HPCAL1: variants seen among roughly 807,000 people sequenced by gnomAD.
HPCAL1 encodes the protein hippocalcin-like protein 1.
A neutral mutation model predicts 17.1 loss-of-function variants in HPCAL1; 8 were observed. The ratio of observed to expected loss-of-function variants is 0.47; its 90% CI spans 0.27 to 0.84. HPCAL1 has a LOEUF of 0.84. HPCAL1 is among the 40% of genes least tolerant of loss of function. The pLI is 0.13. For synonymous variants in HPCAL1, 112 were observed against 111.4 expected (o/e 1.01, Z -0.03); for missense variants, 165 against 271.1 (o/e 0.61, Z 2.75).
chr2:10,363,327 G>A lies in HPCAL1; in HGVS notation c.-110-33508G>A, dbSNP rs1436160052. On this transcript the variant is annotated intron_variant, in intron 1 of 4. Coordinates refer to ENST00000307845, the MANE Select transcript of HPCAL1 (RefSeq NM_002149.4). The surrounding 1 kb of genome is among the most constrained non-coding windows in gnomAD (Gnocchi z 4.7). ...GTATTTCTGACTCCTGGAGCTCCAC[G>A]GTGTGACAGGTGGGCAGGAGCTGCT... Among the ~76,000 whole-genome samples the A allele has an allele frequency of 1.3e-5, 2 of 152,108 alleles. No individual in the cohort carries two copies. Among genetic ancestry groups the A allele is most frequent in the African/African-American group, 2.4e-5 (1 of 41,410 alleles).
At position 10,386,490 on chromosome 2, in the gene HPCAL1, A is replaced by AC. The variant is rs368940787; in HGVS notation, c.-110-10336dup. ...CAGGGGCTTTGATGTGGGGAGAAAG[A>AC]CCCCCCCCCAGGTTACAGGTAAGCC... On this transcript the variant is annotated intron_variant, in intron 1 of 4. Coordinates refer to ENST00000307845, the MANE Select transcript of HPCAL1 (RefSeq NM_002149.4). Among the ~76,000 whole-genome samples the AC allele has an allele frequency of 3.3e-3, 479 of 144,290 alleles. 1 individual carries two copies. The highest frequency in any genetic ancestry group is 5.9e-3 in the Admixed American group (85 of 14,490). The allele number at this position is 144,290 out of a possible 152,430, so 94.7% of individuals were successfully genotyped here.
intron 2 of HPCAL1, among the ~76,000 whole-genome samples, chr2:10,401,943 C>G (rs1669636861): frequency 6.6e-6 from 1 of 152,202 alleles, no homozygotes; most frequent in Non-Finnish European, 1.5e-5. Flanking sequence ...CTGTGTCTCC[C>G]AGGCTGGAGT....
At chr2:10,426,502 C>G in intron 4 of HPCAL1, 1 of 540,156 alleles carries the variant, frequency 1.9e-6, no homozygotes, top group Non-Finnish European at 3.3e-6. Flanking sequence ...CTGGGTAAGC[C>G]CTTTGAGGTA....
chr2:10,323,203 G>A lies in HPCAL1; in HGVS notation c.-111+20026G>A, dbSNP rs147078088. Among the ~76,000 whole-genome samples the A allele has an allele frequency of 0.011, 1,664 of 152,328 alleles. 20 individuals carry two copies. Among genetic ancestry groups the A allele is most frequent in the Middle Eastern group, 0.038 (11 of 292 alleles). The stretch of plus-strand genomic sequence containing the variant: ...GACGCGTTCCCCACGGAGTCCCAGC[G>A]TGTATGCATGGGGTCACGGTGCTCC... On this transcript the variant is annotated intron_variant, in intron 1 of 4. Coordinates refer to ENST00000307845, the MANE Select transcript of HPCAL1 (RefSeq NM_002149.4). This position sits in a 1 kb window ranked among gnomAD's most constrained non-coding sequence, Gnocchi z 4.6.
In HPCAL1 at chr2:10,342,419, T is replaced by G. The variant is rs551701029; in HGVS notation, c.-111+39242T>G. ...GTCTGGGTCCTGGGATATAGCCACA[T>G]GTGCAGTCCGTGCCTCCAGCGCGCA... On this transcript the variant is annotated intron_variant, in intron 1 of 4. Coordinates refer to ENST00000307845, the MANE Select transcript of HPCAL1 (RefSeq NM_002149.4). This position sits in a 1 kb window ranked among gnomAD's most constrained non-coding sequence, Gnocchi z 4.1. Among the ~76,000 whole-genome samples, 31 of 151,220 alleles carry G rather than the reference T, an allele frequency of 2.0e-4. No homozygotes were observed. Among genetic ancestry groups the G allele is most frequent in the Non-Finnish European group, 4.4e-4 (30 of 67,798 alleles).
At position 10,331,559 on chromosome 2, in the gene HPCAL1, G is replaced by A. The variant is rs1031119282; in HGVS notation, c.-111+28382G>A. On this transcript the variant is annotated intron_variant, in intron 1 of 4. Transcript: ENST00000307845. This position sits in a 1 kb window ranked among gnomAD's most constrained non-coding sequence, Gnocchi z 5.0. ...CCCAGGAGCTTTTCCACGGCCAAGC[G>A]CTGGCTGGTGGTGGAGCTGCGCTGA... 5.9e-5 allele frequency among the ~76,000 whole-genome samples: 9 copies of A among 152,202 alleles called. No homozygotes were observed. The highest frequency in any genetic ancestry group is 8.8e-5 in the Non-Finnish European group (6 of 68,034).
chr2:10,379,487 C>T (rs1558501342), intron 1 of HPCAL1, among the ~76,000 whole-genome samples: 1 of 151,792 alleles, frequency 6.6e-6, no homozygotes, highest in Non-Finnish European at 1.5e-5. Flanking sequence ...CGTGGCTGAC[C>T]CTTCTGCAAT....
intron 1 of HPCAL1, among the ~76,000 whole-genome samples, chr2:10,325,133 G>A (rs985263484): frequency 6.6e-6 from 1 of 151,702 alleles, no homozygotes; most frequent in Non-Finnish European, 1.5e-5. Flanking sequence ...GTGCCCAGCC[G>A]GGTTGCTGTT....
intron 2 of HPCAL1, among the ~76,000 whole-genome samples, chr2:10,398,176 G>T (rs774631880): frequency 9.2e-5 from 14 of 152,322 alleles, no homozygotes; most frequent in Non-Finnish European, 2.1e-4. Context: ...GCTCCCGGGG[G>T]GACACCTGGG....
At chr2:10,413,786 A>C (rs1390823480) in intron 2 of HPCAL1, among the ~76,000 whole-genome samples, 1 of 152,252 alleles carries the variant, frequency 6.6e-6, no homozygotes, top group Non-Finnish European at 1.5e-5. Context: ...CCATCCTGGG[A>C]TAAATTTCTC....
At chr2:10,311,600 C>T (rs368993180) in intron 1 of HPCAL1, among the ~76,000 whole-genome samples, 1 of 152,054 alleles carries the variant, frequency 6.6e-6, no homozygotes, top group African/African-American at 2.4e-5. Context: ...ATTATTTTCA[C>T]AGTGTGGATG....
chr2:10,386,522 A>C (rs568954135), intron 1 of HPCAL1, among the ~76,000 whole-genome samples: 1 of 152,136 alleles, frequency 6.6e-6, no homozygotes, highest in African/African-American at 2.4e-5. Context: ...AGCCCTCCCA[A>C]GTGGCCCAGG....
Position 10,381,215 on chromosome 2 carries a change from C to T in HPCAL1, c.-110-15620C>T, listed in dbSNP as rs188421297. Among the ~76,000 whole-genome samples the T allele has an allele frequency of 2.9e-3, 442 of 152,286 alleles. 2 individuals are homozygous for T. The highest frequency in any genetic ancestry group is 0.01 in the African/African-American group (423 of 41,564). On this transcript the variant is annotated intron_variant, in intron 1 of 4. Coordinates refer to ENST00000307845, the MANE Select transcript of HPCAL1 (RefSeq NM_002149.4). The stretch of plus-strand genomic sequence containing the variant: ...TGTATCTGTGAAATACCAGATAGGC[C>T]CTTAGTCTAAGCAAGGAGGCATCTA...
intron 2 of HPCAL1, among the ~76,000 whole-genome samples, chr2:10,397,343 A>G (rs1669119568): frequency 6.6e-6 from 1 of 152,028 alleles, no homozygotes. Flanking sequence ...TGTACCTGGA[A>G]GCTTCCTTCT....
At chr2:10,387,539 C>T (rs1255086075) in intron 1 of HPCAL1, among the ~76,000 whole-genome samples, 2 of 152,208 alleles carry the variant, frequency 1.3e-5, no homozygotes, top group Non-Finnish European at 2.9e-5. Context: ...GGTAAGCAGG[C>T]GATACTGACC....
chr2:10,352,872 C>T (rs750060254), intron 1 of HPCAL1, among the ~76,000 whole-genome samples: 2 of 152,226 alleles, frequency 1.3e-5, no homozygotes, highest in African/African-American at 2.4e-5. Context: ...TTCTGGCCAA[C>T]TAGTAAGCTC....
At chr2:10,303,910 G>C (rs1259117773) in intron 1 of HPCAL1, 1 of 152,316 alleles carries the variant, frequency 6.6e-6, no homozygotes, top group Non-Finnish European at 1.5e-5. Flanking sequence ...AGAACGCACT[G>C]AAGACAGCTC....
chr2:10,379,009 A>G (rs1207406257), intron 1 of HPCAL1, among the ~76,000 whole-genome samples: 1 of 152,096 alleles, frequency 6.6e-6, no homozygotes, highest in Non-Finnish European at 1.5e-5. Context: ...CACTTAAGAC[A>G]ATATCATTCA....
rs10929658 is a variant in HPCAL1, at chr2:10,384,385, A to C, written c.-110-12450A>C. ...ATGTCTGGAGGGAAGGGTTTTGGGC[A>C]CCCACCCTGGGGAGAGAGGAGAGCC... On this transcript the variant is annotated intron_variant, in intron 1 of 4. Transcript: ENST00000307845. This position sits in a 1 kb window ranked among gnomAD's most constrained non-coding sequence, Gnocchi z 4.4. Among the ~76,000 whole-genome samples the C allele has an allele frequency of 0.13, 19,042 of 152,040 alleles. 1,984 individuals carry two copies. Among genetic ancestry groups the C allele is most frequent in the East Asian group, 0.5 (2,548 of 5,120 alleles).
Sources: allele counts gnomAD v4.1 joint callset (sites outside exome capture counted in the v4.1 genomes callset), GRCh38; gene constraint gnomAD v4.1.1; non-coding constraint Gnocchi (gnomAD v3.1); transcripts MANE v1.5; gene names NCBI Gene and HGNC (gene_info 2026-07-23, HGNC 2026-07-21).